Variants in SORCS3 observed in about 807,000 individuals in gnomAD.
SORCS3 encodes sortilin related VPS10 domain containing receptor 3.
Under a neutral mutation model 146.3 loss-of-function variants are expected in SORCS3, and 57 were observed. The observed-to-expected ratio is 0.39, with a 90% CI of 0.31 to 0.49. SORCS3 has a LOEUF of 0.49. Among genes scored for constraint, SORCS3 ranks in the 20% least tolerant of loss-of-function variants. The pLI is 0.92. For synonymous variants in SORCS3, 653 were observed against 618.5 expected (o/e 1.06, Z -0.83); for missense variants, 1,341 against 1,575.5 (o/e 0.85, Z 2.52).
At chr10:105,065,078 C>T (rs988265125) in intron 5 of SORCS3, among the ~76,000 whole-genome samples, 5 of 152,112 alleles carry the variant, frequency 3.3e-5, no homozygotes, top group African/African-American at 1.2e-4. Context: ...GGTGGGCATC[C>T]ATCTCTCTTG....
intron 7 of SORCS3, among the ~76,000 whole-genome samples, chr10:105,109,309 G>GA (rs902403065): frequency 6.6e-6 from 1 of 151,982 alleles, no homozygotes; most frequent in Non-Finnish European, 1.5e-5. Context: ...GAAGAAAGGT[G>GA]AAAAAAATAG....
chr10:105,077,761 G>A (rs1267079952), intron 5 of SORCS3, among the ~76,000 whole-genome samples: 1 of 152,130 alleles, frequency 6.6e-6, no homozygotes, highest in Non-Finnish European at 1.5e-5. Flanking sequence ...CAATCCTAAT[G>A]TCTGGGAAAA....
chr10:105,250,290 A>T (rs187468774), intron 22 of SORCS3, among the ~76,000 whole-genome samples: 1 of 152,256 alleles, frequency 6.6e-6, no homozygotes, highest in East Asian at 1.9e-4. Flanking sequence ...GGGGGGTGCA[A>T]AAACATTCAG....
intron 13 of SORCS3, among the ~76,000 whole-genome samples, chr10:105,167,731 T>A (rs999827018): frequency 1.3e-5 from 2 of 152,182 alleles, no homozygotes; most frequent in Admixed American, 6.5e-5. Context: ...TAGTGGTTTC[T>A]ATGAATATTT....
intron 1 of SORCS3, among the ~76,000 whole-genome samples, chr10:104,775,168 T>C (rs561982217): frequency 6.6e-6 from 1 of 152,320 alleles, no homozygotes; most frequent in South Asian, 2.1e-4. Flanking sequence ...TGAGTTTCAG[T>C]CTGAGATTTG....
At chr10:104,841,736 G>T (rs779163034) in intron 1 of SORCS3, among the ~76,000 whole-genome samples, 1 of 151,964 alleles carries the variant, frequency 6.6e-6, no homozygotes, top group Non-Finnish European at 1.5e-5. Flanking sequence ...TCATTATCTC[G>T]GAAAGAATTT....
At chr10:105,128,063 C>T (rs1246792119) in intron 7 of SORCS3, among the ~76,000 whole-genome samples, 3 of 152,140 alleles carry the variant, frequency 2.0e-5, no homozygotes, top group Non-Finnish European at 4.4e-5. Context: ...ATACCCGATG[C>T]ATGTCAGTTA....
In SORCS3 at chr10:104,783,714, G is replaced by A. The variant is rs573842716; in HGVS notation, c.628-59078G>A. On this transcript the variant is annotated intron_variant, in intron 1 of 26. Transcript: ENST00000369701. The stretch of plus-strand genomic sequence containing the variant: ...TGCACTCCATCCTGGGCAACAGTGC[G>A]AGACTCCGTCTCAAAAAAGAGAGAG... 7.7e-4 allele frequency among the ~76,000 whole-genome samples: 118 copies of A among 152,272 alleles called. 1 individual carries two copies. The highest frequency in any genetic ancestry group is 2.7e-3 in the African/African-American group (112 of 41,558).
chr10:105,146,629 A>C (rs1257862760), intron 8 of SORCS3, among the ~76,000 whole-genome samples: 2 of 152,050 alleles, frequency 1.3e-5, no homozygotes, highest in Non-Finnish European at 2.9e-5. Flanking sequence ...TCTAGAGGTG[A>C]TATATCCAGT....
intron 5 of SORCS3, among the ~76,000 whole-genome samples, chr10:105,068,739 T>G (rs2133724214): frequency 6.6e-6 from 1 of 152,374 alleles, no homozygotes; most frequent in African/African-American, 2.4e-5. Flanking sequence ...ATTTTCTTTT[T>G]GAAAATTTGA....
chr10:104,826,923 C>T (rs2017942336), intron 1 of SORCS3, among the ~76,000 whole-genome samples: 1 of 152,198 alleles, frequency 6.6e-6, no homozygotes, highest in Admixed American at 6.5e-5. Flanking sequence ...ATAATGTTTG[C>T]AGCATTTTCA....
intron 1 of SORCS3, among the ~76,000 whole-genome samples, chr10:104,806,702 A>C (rs1211955092): frequency 2.0e-5 from 3 of 152,244 alleles, no homozygotes; most frequent in African/African-American, 7.2e-5. Flanking sequence ...TGTCAACAAA[A>C]AAGTAGTTTA....
intron 2 of SORCS3, among the ~76,000 whole-genome samples, chr10:104,879,528 A>C (rs2018610528): frequency 6.6e-6 from 1 of 152,176 alleles, no homozygotes; most frequent in Non-Finnish European, 1.5e-5. Flanking sequence ...TCCCTTTTGC[A>C]AGAGCATATT....
intron 1 of SORCS3, among the ~76,000 whole-genome samples, chr10:104,834,108 C>T (rs1460015203): frequency 2.0e-5 from 3 of 152,098 alleles, no homozygotes; most frequent in Non-Finnish European, 4.4e-5. Context: ...CTCCCCAGTC[C>T]ACTGCTGTTA....
intron 25 of SORCS3, among the ~76,000 whole-genome samples, chr10:105,259,067 G>T (rs927270525): frequency 1.3e-5 from 2 of 152,128 alleles, no homozygotes; most frequent in Non-Finnish European, 2.9e-5. Context: ...CAACAAGTAC[G>T]TAGGTCAGGT....
At chr10:104,828,390 C>G (rs1435614510) in intron 1 of SORCS3, among the ~76,000 whole-genome samples, 1 of 152,032 alleles carries the variant, frequency 6.6e-6, no homozygotes, top group South Asian at 2.1e-4. Flanking sequence ...TGGGGAACAG[C>G]CGATCAGTGG....
chr10:104,895,858 A>G (rs1179113276), intron 2 of SORCS3, among the ~76,000 whole-genome samples: 1 of 152,094 alleles, frequency 6.6e-6, no homozygotes, highest in East Asian at 1.9e-4. Flanking sequence ...AAATTTCCCA[A>G]CCATATGGTA....
chr10:104,892,516 G>A (rs2018758816), intron 2 of SORCS3, among the ~76,000 whole-genome samples: 1 of 152,142 alleles, frequency 6.6e-6, no homozygotes, highest in Non-Finnish European at 1.5e-5. Flanking sequence ...GAGGTCAGGA[G>A]TTGAAAACCA....
At chr10:104,867,709 C>A (rs12243604) in intron 2 of SORCS3, among the ~76,000 whole-genome samples, 9,563 of 152,098 alleles carry the variant, frequency 0.063, 951 homozygotes, top group African/African-American at 0.21. Context: ...TCATCCCAGT[C>A]CCAGGCCTGC....
Sources: allele counts gnomAD v4.1 joint callset (sites outside exome capture counted in the v4.1 genomes callset), GRCh38; gene constraint gnomAD v4.1.1; transcripts MANE v1.5; gene names NCBI Gene and HGNC (gene_info 2026-07-23, HGNC 2026-07-21).